NPHS2: variants seen among roughly 807,000 people sequenced by gnomAD.
NPHS2 encodes the protein podocin.
In NPHS2, 36 loss-of-function variants were observed where a neutral mutation model predicts 37.1. The observed-to-expected ratio is 0.97, with a 90% confidence interval of 0.74 to 1.28. The LOEUF is 1.28. Ranked by LOEUF, NPHS2 falls within the 50% of genes most tolerant of loss-of-function variation. The pLI is 0.00. For missense variants in NPHS2, 447 were observed against 488.1 expected (o/e 0.92, Z 0.79); for synonymous variants, 196 against 189.3 (o/e 1.04, Z -0.29).
rs527972527 is a variant in NPHS2 at position 179,572,802 on chromosome 1, C to T, written c.274+2789G>A. Among the ~76,000 whole-genome samples the T allele has an allele frequency of 1.5e-3, 231 of 150,754 alleles. 2 individuals are homozygous for T. The highest frequency in any genetic ancestry group is 5.5e-3 in the African/African-American group (222 of 40,598). On this transcript the variant is annotated intron_variant, in intron 1 of 7. Coordinates refer to ENST00000367615, the MANE Select transcript of NPHS2 (RefSeq NM_014625.4). ...TTCCTCCCTCCTTCCCTCCCTCCTT[C>T]CCTTCTTTCTTTCTTTCTTTTCTTT...
chr1:179,558,593 T>A (rs1674021190), intron 4 of NPHS2, among the ~76,000 whole-genome samples: 1 of 152,166 alleles, frequency 6.6e-6, no homozygotes, highest in South Asian at 2.1e-4. Flanking sequence ...TTTAGGTATA[T>A]ATGCAGAAGT....
intron 3 of NPHS2, 133 bp downstream of exon 3, chr1:179,561,156 C>T: frequency 1.3e-6 from 1 of 784,762 alleles, no homozygotes; most frequent in Non-Finnish European, 2.3e-6. Context: ...CTATAAGTAA[C>T]AGATTGGAAA....
intron 3 of NPHS2, among the ~76,000 whole-genome samples, chr1:179,560,117 C>A (rs1265556435): frequency 1.3e-5 from 2 of 151,978 alleles, no homozygotes; most frequent in African/African-American, 2.4e-5. Flanking sequence ...GACTTAGTGC[C>A]TTTTAGGTGC....
chr1:179,566,733 A>G (rs1474848798), intron 1 of NPHS2, among the ~76,000 whole-genome samples: 1 of 152,166 alleles, frequency 6.6e-6, no homozygotes, highest in Non-Finnish European at 1.5e-5. Context: ...TCTTGAATCA[A>G]TTTTTGTGTA....
At chr1:179,568,448 T>C (rs927879487) in intron 1 of NPHS2, among the ~76,000 whole-genome samples, 11 of 152,190 alleles carry the variant, frequency 7.2e-5, no homozygotes, top group African/African-American at 2.7e-4. Context: ...CTCTCTTTTC[T>C]TCTTTATTAG....
At chr1:179,558,328 A>G (rs978750659) in intron 4 of NPHS2, among the ~76,000 whole-genome samples, 1 of 152,120 alleles carries the variant, frequency 6.6e-6, no homozygotes, top group African/African-American at 2.4e-5. Flanking sequence ...AGGATCATAC[A>G]GTATTTTGTG....
At chr1:179,552,401 G>A (rs1673419504) in intron 7 of NPHS2, 1 of 622,364 alleles carries the variant, frequency 1.6e-6, no homozygotes, top group Non-Finnish European at 2.9e-6. Context: ...ACTATTATCA[G>A]TAGCTTCAGA....
intron 2 of NPHS2, among the ~76,000 whole-genome samples, chr1:179,562,597 T>C (rs908739719): frequency 6.6e-6 from 1 of 152,222 alleles, no homozygotes; most frequent in African/African-American, 2.4e-5. Flanking sequence ...AAAACACATT[T>C]TGAAATGTGC....
At chr1:179,564,590 G>T in intron 2 of NPHS2, 100 bp downstream of exon 2, 1 of 1,014,124 alleles carries the variant, frequency 9.9e-7, no homozygotes. Flanking sequence ...CATTCCACAT[G>T]GAGCAATAAC....
intron 1 of NPHS2, among the ~76,000 whole-genome samples, chr1:179,569,043 G>A (rs1358332754): frequency 6.6e-6 from 1 of 152,192 alleles, no homozygotes; most frequent in East Asian, 1.9e-4. Flanking sequence ...TTGGGGTGGA[G>A]AGTTCTGTAG....
At chr1:179,553,948 T>C (rs1673693968) in intron 6 of NPHS2, among the ~76,000 whole-genome samples, 1 of 148,546 alleles carries the variant, frequency 6.7e-6, no homozygotes, top group Admixed American at 6.8e-5. Flanking sequence ...AGTCTCGCTC[T>C]GTGGTCGTGG....
At chr1:179,562,747 T>C (rs1450119914) in intron 2 of NPHS2, among the ~76,000 whole-genome samples, 1 of 152,214 alleles carries the variant, frequency 6.6e-6, no homozygotes. Context: ...AATGACTGTA[T>C]GTGGTTCTTA....
Position 179,550,613 on chromosome 1 carries a change from C to G in NPHS2, c.*560G>C, listed in dbSNP as rs1258328784. On this transcript the variant is annotated 3_prime_UTR_variant, in exon 8 of 8. Coordinates refer to ENST00000367615, the MANE Select transcript of NPHS2 (RefSeq NM_014625.4). Reference sequence around the variant, plus strand: ...TACATCTCTCTTTTTTGCATTCACTCTGAAACATTTAAGTGTCACTTTAGG... The same window carrying G: ...TACATCTCTCTTTTTTGCATTCACTGTGAAACATTTAAGTGTCACTTTAGG... 1 of 154,808 alleles carries G rather than the reference C, an allele frequency of 6.5e-6. No homozygotes were observed. The highest frequency in any genetic ancestry group is 1.4e-5 in the Non-Finnish European group (1 of 69,562). The allele number at this position is 154,808 out of a possible 1,614,324, so 9.6% of individuals were successfully genotyped here.
Position 179,557,244 on chromosome 1 carries a change from A to T in NPHS2, c.535-14T>A. On this transcript the variant is annotated splice_polypyrimidine_tract_variant and intron_variant, in intron 4 of 7. Transcript: ENST00000367615. ...TTTGGTCACGATCTAGGCAGAAAAA[A>T]GTTTGGATGACAGGCTTGATTCTTG... 6.2e-7 allele frequency: 1 copy of T among 1,610,164 alleles called. No individual in the cohort carries two copies. The highest frequency in any genetic ancestry group is 8.5e-7 in the Non-Finnish European group (1 of 1,176,538).
At chr1:179,566,921 T>C (rs1273835790) in intron 1 of NPHS2, among the ~76,000 whole-genome samples, 1 of 152,254 alleles carries the variant, frequency 6.6e-6, no homozygotes, top group Non-Finnish European at 1.5e-5. Context: ...TCCATTGGTC[T>C]ATACCTCTGT....
At chr1:179,568,055 A>G (rs1674404973) in intron 1 of NPHS2, among the ~76,000 whole-genome samples, 1 of 152,120 alleles carries the variant, frequency 6.6e-6, no homozygotes, top group Non-Finnish European at 1.5e-5. Flanking sequence ...TATCAGGATT[A>G]TGTTGTCCTC....
intron 1 of NPHS2, among the ~76,000 whole-genome samples, chr1:179,574,908 T>C (rs1298119626): frequency 1.3e-5 from 2 of 152,232 alleles, no homozygotes; most frequent in African/African-American, 2.4e-5. Flanking sequence ...TCCTCTCTCT[T>C]AGCTTGCAGC....
At chr1:179,570,025 G>T (rs1259480700) in intron 1 of NPHS2, among the ~76,000 whole-genome samples, 1 of 151,980 alleles carries the variant, frequency 6.6e-6, no homozygotes, top group African/African-American at 2.4e-5. Context: ...TGTGTCTTGG[G>T]GTTGCTTTTC....
chr1:179,575,677 G>A lies in NPHS2; in HGVS notation c.188C>T (p.Thr63Met). The A allele has an allele frequency of 1.3e-6, 2 of 1,599,698 alleles. No homozygotes were observed. Among genetic ancestry groups the A allele is most frequent in the Non-Finnish European group, 8.5e-7 (1 of 1,178,180 alleles). Residue 63 changes from threonine to methionine, a missense_variant, in exon 1 of 8, where the codon ACG becomes ATG. Thr to Met is a moderately conservative substitution (Grantham distance 81, BLOSUM62 -1). Transcript: ENST00000367615. ...TPGEPRAPAA[T>M]VVDVDEVRGS... is the part of the protein sequence containing the mutation. ...TCGGACCTCATCCACGTCCACCACC[G>A]TGGCGGCGGGCGCTCGGGGCTCCCC...
Sources: allele counts gnomAD v4.1 joint callset (sites outside exome capture counted in the v4.1 genomes callset), GRCh38; gene constraint gnomAD v4.1.1; transcripts MANE v1.5; gene names NCBI Gene and HGNC (gene_info 2026-07-23, HGNC 2026-07-21).